TASP1: variants seen among roughly 807,000 people sequenced by gnomAD.
The protein encoded by TASP1 is threonine aspartase 1.
In TASP1, 16 loss-of-function variants were observed where a neutral mutation model predicts 56.6. The ratio of observed to expected loss-of-function variants is 0.28; its 90% CI spans 0.19 to 0.43. The LOEUF is 0.43. Ranked by LOEUF, TASP1 falls within the 20% of genes least tolerant of loss-of-function variation. The pLI, the probability that TASP1 is intolerant of heterozygous loss-of-function variation, is 1.00. For missense variants in TASP1, 393 were observed against 511.6 expected (o/e 0.77, Z 2.24); for synonymous variants, 179 against 184.2 (o/e 0.97, Z 0.23).
At chr20:13,380,130 G>A in the TASP1 span, among the ~76,000 whole-genome samples, 1 of 152,138 alleles carries the variant, frequency 6.6e-6, no homozygotes, top group East Asian at 1.9e-4. Context: ...AAGGAGTTGT[G>A]ATCCTTGGGA....
the TASP1 span, among the ~76,000 whole-genome samples, chr20:13,307,958 T>C: frequency 1.3e-5 from 2 of 152,204 alleles, no homozygotes; most frequent in African/African-American, 4.8e-5. Flanking sequence ...TAGAAGGTCA[T>C]AGGGCATGCA....
chr20:13,377,582 C>T, the TASP1 span, among the ~76,000 whole-genome samples: 69 of 152,304 alleles, frequency 4.5e-4, no homozygotes, highest in Admixed American at 2.0e-3. Flanking sequence ...ATGATGCTGG[C>T]CTCATAAAAT....
At chr20:13,602,526 A>C (rs564669554) in intron 4 of TASP1, among the ~76,000 whole-genome samples, 1 of 152,334 alleles carries the variant, frequency 6.6e-6, no homozygotes, top group African/African-American at 2.4e-5. Context: ...TTAGCATATG[A>C]GAATTCTCTA....
chr20:13,121,531 C>A, the TASP1 span, among the ~76,000 whole-genome samples: 1 of 152,184 alleles, frequency 6.6e-6, no homozygotes, highest in African/African-American at 2.4e-5. Flanking sequence ...AGAAAACAAT[C>A]AGGGTTTTGA....
chr20:13,364,628 A>G, the TASP1 span, among the ~76,000 whole-genome samples: 3 of 152,010 alleles, frequency 2.0e-5, no homozygotes, highest in Admixed American at 6.6e-5. Context: ...AGCTAAGTCT[A>G]CATATCTGAC....
At chr20:13,525,681 T>G (rs866327132) in intron 10 of TASP1, among the ~76,000 whole-genome samples, 4 of 152,130 alleles carry the variant, frequency 2.6e-5, no homozygotes, top group South Asian at 2.1e-4. Context: ...GGCCAAACAG[T>G]TGCAAAATTC....
the TASP1 span, among the ~76,000 whole-genome samples, chr20:13,223,659 T>A: frequency 0.43 from 64,987 of 151,992 alleles, 14,933 homozygotes; most frequent in African/African-American, 0.6. Context: ...ACTTTGTGGG[T>A]TCTCTCACCT....
chr20:13,150,835 G>A, the TASP1 span, among the ~76,000 whole-genome samples: 1 of 152,108 alleles, frequency 6.6e-6, no homozygotes, highest in Non-Finnish European at 1.5e-5. Flanking sequence ...CCTAAGCCTG[G>A]AATACTCTCC....
intron 3 of TASP1, 107 bp from the exon 4 acceptor site, chr20:13,623,621 C>T (rs1294823542): frequency 2.5e-6 from 2 of 812,158 alleles, no homozygotes; most frequent in African/African-American, 3.4e-5. Flanking sequence ...AAATTGACCA[C>T]TAGTTCCATT....
chr20:13,464,187 C>A (rs76944092), intron 11 of TASP1, among the ~76,000 whole-genome samples: 302 of 152,234 alleles, frequency 2.0e-3, no homozygotes, highest in African/African-American at 6.8e-3. Context: ...GTATTGGAGA[C>A]AGAGTCTTTA....
At chr20:13,295,457 A>C in the TASP1 span, among the ~76,000 whole-genome samples, 1 of 152,186 alleles carries the variant, frequency 6.6e-6, no homozygotes, top group Admixed American at 6.5e-5. Context: ...AGCCCCAGAC[A>C]TCCCCAGCAG....
At chr20:13,550,171 C>CAT (rs1406194308) in intron 8 of TASP1, among the ~76,000 whole-genome samples, 4 of 151,398 alleles carry the variant, frequency 2.6e-5, no homozygotes, top group African/African-American at 9.7e-5. Flanking sequence ...CACACACACA[C>CAT]ACACACACAC....
the TASP1 span, among the ~76,000 whole-genome samples, chr20:13,142,975 G>T: frequency 6.6e-6 from 1 of 152,110 alleles, no homozygotes; most frequent in Non-Finnish European, 1.5e-5. Context: ...GACCTAATCA[G>T]GGCTCTCTTA....
At chr20:13,264,637 C>T in the TASP1 span, among the ~76,000 whole-genome samples, 2 of 152,204 alleles carry the variant, frequency 1.3e-5, no homozygotes, top group South Asian at 4.1e-4. Context: ...CTAGATGTGG[C>T]TATGGCCATC....
At chr20:13,312,182 C>T in the TASP1 span, among the ~76,000 whole-genome samples, 43 of 152,080 alleles carry the variant, frequency 2.8e-4, 1 homozygote, top group Non-Finnish European at 1.9e-4. Flanking sequence ...ATATTTTAAA[C>T]CAAGTACCAA....
At chr20:13,486,195 A>G (rs1380033099) in intron 10 of TASP1, among the ~76,000 whole-genome samples, 1 of 152,166 alleles carries the variant, frequency 6.6e-6, no homozygotes, top group Non-Finnish European at 1.5e-5. Context: ...CATAGAGCTG[A>G]AGTGTGATTC....
At chr20:13,187,732 C>CAAAAAA in the TASP1 span, among the ~76,000 whole-genome samples, 286 of 57,022 alleles carry the variant, frequency 5.0e-3, no homozygotes, top group Non-Finnish European at 5.6e-3. Flanking sequence ...GACTCCATCT[C>CAAAAAA]AAAAAAAAAA....
At chr20:13,387,489 G>A (rs1415993422), downstream of TASP1, among the ~76,000 whole-genome samples, 1 of 152,016 alleles carries the variant, frequency 6.6e-6, no homozygotes, top group Non-Finnish European at 1.5e-5. Context: ...GTGCCTGGCT[G>A]ATTTCATTCT....
At chr20:13,471,622 T>C (rs1323982024) in intron 11 of TASP1, among the ~76,000 whole-genome samples, 4 of 152,114 alleles carry the variant, frequency 2.6e-5, no homozygotes, top group African/African-American at 7.2e-5. Flanking sequence ...TGCCTACAAA[T>C]TAGTACCTCA....
Sources: gnomAD v4.1 joint callset for allele counts (sites outside exome capture counted in the v4.1 genomes callset) on GRCh38, gnomAD v4.1.1 for gene constraint, MANE v1.5 for transcripts, NCBI Gene and HGNC (gene_info 2026-07-23, HGNC 2026-07-21) for gene names.